The following FBXL13 variants were observed in gnomAD, a reference collection of about 807,000 sequenced individuals.
FBXL13 encodes F-box and leucine rich repeat protein 13.
FBXL13 carries 67 observed loss-of-function variants against 83.6 expected under a neutral mutation model. That is an observed-to-expected ratio of 0.80 (90% CI 0.66 to 0.98). FBXL13 has a LOEUF of 0.98. Ranked by LOEUF, FBXL13 falls within the 50% of genes least tolerant of loss-of-function variation. The pLI is 0.00. For synonymous variants in FBXL13, 272 were observed against 299.5 expected, an observed-to-expected ratio of 0.91 and a Z score of 0.95; for missense variants, 822 against 866.5, an observed-to-expected ratio of 0.95 and a Z score of 0.64.
At chr7:102,934,218 C>G (rs774797610) in intron 8 of FBXL13, 3 of 1,614,178 alleles carry the variant, frequency 1.9e-6, no homozygotes, top group Non-Finnish European at 2.5e-6. Flanking sequence ...AACATGTTTT[C>G]CAAGTTTAAA....
intron 6 of FBXL13, among the ~76,000 whole-genome samples, chr7:103,008,938 A>G (rs568661446): frequency 6.6e-6 from 1 of 152,348 alleles, no homozygotes; most frequent in Admixed American, 6.5e-5. Flanking sequence ...CAATAATAGC[A>G]CAATACACAG....
intron 8 of FBXL13, among the ~76,000 whole-genome samples, chr7:102,951,868 T>C (rs1177830354): frequency 6.7e-6 from 1 of 149,818 alleles, no homozygotes; most frequent in Non-Finnish European, 1.5e-5. Context: ...AAATAGAGAA[T>C]TAATAAAAAT....
chr7:102,925,872 C>T (rs1818017787), intron 10 of FBXL13, among the ~76,000 whole-genome samples: 1 of 146,934 alleles, frequency 6.8e-6, no homozygotes, highest in Admixed American at 7.0e-5. Context: ...ACCCGGGAGG[C>T]GTAGGTTGCC....
intron 8 of FBXL13, among the ~76,000 whole-genome samples, chr7:102,952,206 C>T (rs113909280): frequency 8.0e-4 from 121 of 152,126 alleles, no homozygotes; most frequent in Non-Finnish European, 1.8e-4. Flanking sequence ...GGGCAAAAAG[C>T]GGATTTAGTA....
intron 17 of FBXL13, chr7:102,834,493 C>T (rs991217356): frequency 6.8e-6 from 1 of 146,974 alleles, no homozygotes; most frequent in African/African-American, 2.5e-5. Context: ...GCTCTTAGCA[C>T]AAAATAGATT....
intron 6 of FBXL13, among the ~76,000 whole-genome samples, chr7:103,020,455 G>A (rs1004257402): frequency 2.0e-5 from 3 of 152,166 alleles, no homozygotes; most frequent in Admixed American, 1.3e-4. Context: ...ATTCAACATA[G>A]CGTTGGAAGT....
intron 2 of FBXL13, among the ~76,000 whole-genome samples, chr7:103,037,716 A>G (rs1241244522): frequency 6.6e-6 from 1 of 151,946 alleles, no homozygotes; most frequent in Non-Finnish European, 1.5e-5. Flanking sequence ...CAGAGGCAGG[A>G]GGATTGTTTG....
rs1427650813 is a variant in FBXL13 at position 102,994,106 on chromosome 7, T to C, written c.496-25989A>G. 7.9e-5 allele frequency among the ~76,000 whole-genome samples: 12 copies of C among 152,320 alleles called. No homozygotes were observed. In the East Asian group the frequency reaches 2.3e-3, roughly 29 times the overall value. On this transcript the variant is annotated intron_variant, in intron 6 of 19. Coordinates refer to ENST00000313221, the Ensembl canonical transcript of FBXL13. ...ACTTTGCAAATCTATTATACATTAATAAGCATAACAAACCCAACCATTCAA... is the reference window on the plus strand; with the variant it reads ...ACTTTGCAAATCTATTATACATTAACAAGCATAACAAACCCAACCATTCAA...
intron 3 of FBXL13, among the ~76,000 whole-genome samples, 196 bp downstream of exon 4, chr7:103,029,155 C>G (rs1029180954): frequency 6.6e-6 from 1 of 151,398 alleles, no homozygotes; most frequent in Non-Finnish European, 1.5e-5. Context: ...GATAATTATA[C>G]CTTAAAGAAG....
intron 8 of FBXL13, chr7:102,944,105 AG>A: frequency 1.2e-6 from 1 of 865,998 alleles, no homozygotes; most frequent in Non-Finnish European, 1.7e-6. Flanking sequence ...TTATTTTCAA[AG>A]GGGAAAATTA....
intron 8 of FBXL13, chr7:102,933,965 C>A (rs866532038): frequency 6.2e-7 from 1 of 1,613,888 alleles, no homozygotes; most frequent in Non-Finnish European, 8.5e-7. Context: ...AGCGGCTGAG[C>A]TGCGCAAAGC....
intron 10 of FBXL13, among the ~76,000 whole-genome samples, chr7:102,921,065 T>C (rs1188010634): frequency 6.6e-6 from 1 of 152,056 alleles, no homozygotes; most frequent in Non-Finnish European, 1.5e-5. Context: ...GGCAGGAGAA[T>C]CCTTTCAGCC....
chr7:103,066,639 C>G (rs1030325235), intron 1 of FBXL13, among the ~76,000 whole-genome samples: 3 of 151,982 alleles, frequency 2.0e-5, no homozygotes, highest in African/African-American at 7.3e-5. Context: ...ATGATCCACC[C>G]GCCTCAGCCT....
At chr7:102,978,917 C>T (rs564316722) in intron 6 of FBXL13, among the ~76,000 whole-genome samples, 20 of 152,196 alleles carry the variant, frequency 1.3e-4, no homozygotes, top group Admixed American at 1.0e-3. Flanking sequence ...AATATCAAAA[C>T]GATCTCAATA....
At chr7:103,034,067 T>A (rs980545439) in intron 2 of FBXL13, among the ~76,000 whole-genome samples, 1 of 152,194 alleles carries the variant, frequency 6.6e-6, no homozygotes, top group African/African-American at 2.4e-5. Context: ...CTGATTGGTG[T>A]GTTTACAAAC....
chr7:103,059,944 T>C (rs557788412), intron 1 of FBXL13, among the ~76,000 whole-genome samples: 21 of 144,742 alleles, frequency 1.5e-4, no homozygotes, highest in African/African-American at 5.4e-4. Context: ...TATAGGGCTA[T>C]CATGAAAATT....
intron 5 of FBXL13, among the ~76,000 whole-genome samples, chr7:103,026,081 T>C (rs1793875586): frequency 6.6e-6 from 1 of 151,950 alleles, no homozygotes; most frequent in South Asian, 2.1e-4. Context: ...TGCAAAACAT[T>C]ACGCTCAGCA....
At chr7:102,880,767 T>C (rs1189155041) in intron 14 of FBXL13, among the ~76,000 whole-genome samples, 1 of 152,186 alleles carries the variant, frequency 6.6e-6, no homozygotes, top group African/African-American at 2.4e-5. Context: ...TTGTGCTAAC[T>C]TCTTCCAGGA....
At chr7:102,835,844 C>T (rs550342736) in intron 17 of FBXL13, among the ~76,000 whole-genome samples, 2 of 151,894 alleles carry the variant, frequency 1.3e-5, no homozygotes, top group African/African-American at 4.8e-5. Flanking sequence ...CTCCTGACCT[C>T]GTGATCCGCC....
Sources: allele counts gnomAD v4.1 joint callset (sites outside exome capture counted in the v4.1 genomes callset), GRCh38; gene constraint gnomAD v4.1.1; transcripts MANE v1.5; gene names NCBI Gene and HGNC (gene_info 2026-07-23, HGNC 2026-07-21).